LZTR1: variants seen among roughly 807,000 people sequenced by gnomAD.
LZTR1 encodes the protein leucine-zipper-like transcriptional regulator 1.
Under a neutral mutation model 105.7 loss-of-function variants are expected in LZTR1, and 260 were observed. That is an observed-to-expected ratio of 2.46 (90% CI 2.22 to 2.72). LZTR1 has a LOEUF of 2.72. Among genes scored for constraint, LZTR1 ranks in the 30% most tolerant of loss-of-function variants. The probability of loss-of-function intolerance (pLI) is 0.00; values close to 1 mark genes in which losing one functional copy is unlikely to be tolerated. For missense variants in LZTR1, 1,214 were observed against 1,166.9 expected (o/e 1.04, Z -0.59); for synonymous variants, 490 against 476.4 (o/e 1.03, Z -0.37).
rs778492920 is a variant in LZTR1, at chr22:20,992,407, CT to C, written c.1149+39del. On this transcript the variant is annotated intron_variant, in intron 10 of 20. Coordinates refer to ENST00000646124, the MANE Select transcript of LZTR1 (RefSeq NM_006767.4). ...ATCCTCATTAAGACTCCATCACCCCCTGAAACAGGTCCTGTGATCAACACCT... is the reference window on the plus strand; with the variant it reads ...ATCCTCATTAAGACTCCATCACCCCCGAAACAGGTCCTGTGATCAACACCT... The C allele has an allele frequency of 2.8e-5, 44 of 1,586,520 alleles. 2 individuals are homozygous for C. The South Asian group carries it at 3.9e-4, about 14-fold the overall frequency.
At position 20,996,810 on chromosome 22, in the gene LZTR1, C is replaced by CA; in HGVS notation, c.2325+9_2325+10insA. 1 of 1,613,206 alleles carries CA rather than the reference C, an allele frequency of 6.2e-7. No individual in the cohort carries two copies. The highest frequency in any genetic ancestry group is 8.5e-7 in the Non-Finnish European group (1 of 1,179,586). ...TGCAGAACGTGCTGCAGGTAGCCCC[C>CA]CAGCCCCGTGCACATGGCTGCAGCT... On this transcript the variant is annotated intron_variant, in intron 19 of 20. Transcript: ENST00000646124.
At chr22:20,989,088 A>G (rs1358006739) in intron 6 of LZTR1, among the ~76,000 whole-genome samples, 1 of 151,908 alleles carries the variant, frequency 6.6e-6, no homozygotes, top group Non-Finnish European at 1.5e-5. Context: ...TGGCTACCAG[A>G]GTAGCTTGGA....
Position 20,993,941 on chromosome 22 carries a change from G to A in LZTR1, c.1371G>A (p.Gln457=). The change falls in exon 13 of 21, where the codon CAG becomes CAA. Residue 457 remains glutamine (Q), a synonymous_variant. Transcript: ENST00000646124. ...TTGTGCAGAAGGAGGAGTGCGTGCA[G>A]GGCCACGTAGCCATTGTCACAGCGC... The part of the protein sequence containing the change: ...FVLGEKEECV[Q]GHVAIVTARS... The A allele has an allele frequency of 6.2e-7, 1 of 1,612,442 alleles. No homozygotes were observed. The highest frequency in any genetic ancestry group is 8.5e-7 in the Non-Finnish European group (1 of 1,179,888).
chr22:20,992,665 C>T, intron 10 of LZTR1, 129 bp from the exon 11 acceptor site: 1 of 668,296 alleles, frequency 1.5e-6, no homozygotes, highest in South Asian at 1.8e-5. Context: ...GGGCCCTCAT[C>T]CCTTGGGGAC....
chr22:20,994,651 T>C lies in LZTR1; in HGVS notation c.1709T>C (p.Ile570Thr), dbSNP rs954974816. 6.2e-7 allele frequency: 1 copy of C among 1,612,944 alleles called. No individual in the cohort carries two copies. Among genetic ancestry groups the C allele is most frequent in the African/African-American group, 1.3e-5 (1 of 75,024 alleles). ...CRLEQLCRQY[I>T]EASVDLQNVL... ...CTGGAGCAGCTGTGCCGCCAGTACATCGAGGCCTCCGTGGACCTGCAGAAC... is the reference window on the plus strand; with the variant it reads ...CTGGAGCAGCTGTGCCGCCAGTACACCGAGGCCTCCGTGGACCTGCAGAAC... Residue 570 changes from isoleucine (I) to threonine (T), a missense_variant, in exon 15 of 21, where the codon ATC (isoleucine) becomes ACC (threonine). Physicochemically the swap from Ile to Thr is moderately conservative, Grantham distance 89. Coordinates refer to ENST00000646124, the MANE Select transcript of LZTR1 (RefSeq NM_006767.4).
rs756485244 is a variant in LZTR1, at chr22:20,982,397, G to A, written c.26G>A (p.Gly9Glu). 28 of 1,560,702 alleles carry A rather than the reference G, an allele frequency of 1.8e-5. No homozygotes were observed. Among genetic ancestry groups the A allele is most frequent in the Middle Eastern group, 1.7e-4 (1 of 6,008 alleles). Reference protein sequence around the residue: MAGPGSTGGQIGAAALAGG... With the variant: MAGPGSTGEQIGAAALAGG... ...ATGGCTGGACCGGGCAGCACGGGGGGGCAGATCGGGGCTGCGGCCCTGGCA... is the reference window on the plus strand; with the variant it reads ...ATGGCTGGACCGGGCAGCACGGGGGAGCAGATCGGGGCTGCGGCCCTGGCA... Residue 9 changes from glycine (G) to glutamate (E), a missense_variant, in exon 1 of 21, where the codon GGG becomes GAG. Coordinates refer to ENST00000646124, the MANE Select transcript of LZTR1 (RefSeq NM_006767.4).
chr22:20,984,910 T>A (rs934903476), intron 2 of LZTR1, among the ~76,000 whole-genome samples: 4 of 152,170 alleles, frequency 2.6e-5, no homozygotes, highest in African/African-American at 9.7e-5. Context: ...TTCTATTTGA[T>A]TGTATGGCTT....
intron 7 of LZTR1, 84 bp from the exon 8 acceptor site, chr22:20,990,302 C>T: frequency 6.8e-7 from 1 of 1,465,708 alleles, no homozygotes; most frequent in Non-Finnish European, 9.5e-7. Flanking sequence ...AGAATAAAAG[C>T]AGTCCCATCT....
rs919475099 is a variant in LZTR1 at position 20,992,880 on chromosome 22, C to T, written c.1236C>T (p.Arg412=). 13 of 1,607,644 alleles carry T rather than the reference C, an allele frequency of 8.1e-6. No homozygotes were observed. The highest frequency in any genetic ancestry group is 2.2e-5 in the East Asian group (1 of 44,700). Residue 412 remains arginine, a synonymous_variant, in exon 11 of 21, where the codon CGC becomes CGT. Coordinates refer to ENST00000646124, the MANE Select transcript of LZTR1 (RefSeq NM_006767.4). ...GGGGCACGGTGGACAACAACATCCG[C>T]AGCGGGGAGATGTACAGGTTCCAGG... is the stretch of plus-strand genomic sequence containing the variant. ...IFGGTVDNNI[R]SGEMYRFQFS... is the part of the protein sequence containing the mutation.
rs774779041 is a variant in LZTR1 at position 20,988,008 on chromosome 22, AG to A, written c.404del. The A allele has an allele frequency of 5.8e-6, 9 of 1,560,588 alleles. No individual in the cohort carries two copies. Among genetic ancestry groups the A allele is most frequent in the African/African-American group, 2.7e-5 (2 of 73,844 alleles). On this transcript the variant is annotated splice_acceptor_variant, in intron 4 of 20. Coordinates refer to ENST00000646124, the MANE Select transcript of LZTR1 (RefSeq NM_006767.4). LOFTEE classifies it high-confidence loss of function. ...TGACAGTTTCTCACTCTCTTTACTC[AG>A]GGGGTTACACTGGGGACATTTATTC...
intron 3 of LZTR1, among the ~76,000 whole-genome samples, 171 bp from the exon 4 acceptor site, chr22:20,987,333 G>A (rs571544924): frequency 1.3e-5 from 2 of 151,066 alleles, no homozygotes; most frequent in African/African-American, 2.4e-5. Context: ...GGTGGAGGTT[G>A]AGCCGGGATC....
At position 20,996,683 on chromosome 22, in the gene LZTR1, A is replaced by C. The variant is rs1924862914; in HGVS notation, c.2220-13A>C. The C allele has an allele frequency of 6.2e-7, 1 of 1,612,134 alleles. No homozygotes were observed. The highest frequency in any genetic ancestry group is 8.5e-7 in the Non-Finnish European group (1 of 1,178,782). The stretch of plus-strand genomic sequence containing the variant: ...ACCAGCTTCCTTTAGTCAGCTCCTT[A>C]ACCAGGCCCCAGCTACTTGTTTGCG... On this transcript the variant is annotated splice_polypyrimidine_tract_variant and intron_variant, in intron 18 of 20. Coordinates refer to ENST00000646124, the MANE Select transcript of LZTR1 (RefSeq NM_006767.4).
Position 20,988,820 on chromosome 22 carries a change from A to G in LZTR1, c.541A>G (p.Thr181Ala), listed in dbSNP as rs1569154947. Residue 181 changes from threonine (T) to alanine (A), a missense_variant, in exon 6 of 21, where the codon ACG becomes GCG. Thr to Ala is a moderately conservative substitution (Grantham distance 58). Coordinates refer to ENST00000646124, the MANE Select transcript of LZTR1 (RefSeq NM_006767.4). The stretch of plus-strand genomic sequence containing the variant: ...AGTCGCTAGGTCAGCCCATGGGGCC[A>G]CGGTGTACAGTGACAAGCTGTGGAT... ...LPVARSAHGA[T>A]VYSDKLWIFA... is the part of the protein sequence containing the mutation. 6.2e-7 allele frequency: 1 copy of G among 1,614,078 alleles called. No homozygotes were observed.
At position 20,991,659 on chromosome 22, in the gene LZTR1, C is replaced by T. The variant is rs758651123; in HGVS notation, c.823C>T (p.Arg275Trp). 29 of 1,601,826 alleles carry T rather than the reference C, an allele frequency of 1.8e-5. No homozygotes were observed. In the Middle Eastern group the frequency reaches 8.0e-4, roughly 44 times the overall value. ...WTRIPTEHLL[R>W]GSPPPPQRRY... ...ACGCATCCCAACTGAACACCTGCTC[C>T]GGGGCTCCCCACCACCCCCGCAGCG... Residue 275 changes from arginine to tryptophan, a missense_variant, in exon 9 of 21, where the codon CGG becomes TGG. Physicochemically the swap from Arg to Trp is moderately radical, Grantham distance 101 (BLOSUM62 -3). Coordinates refer to ENST00000646124, the MANE Select transcript of LZTR1 (RefSeq NM_006767.4).
At chr22:20,997,071 TG>T (rs768133876) in intron 20 of LZTR1, 105 bp downstream of exon 20, 2 of 1,277,048 alleles carry the variant, frequency 1.6e-6, no homozygotes, top group African/African-American at 2.9e-5. Context: ...TGGTGGGCCC[TG>T]GGGGTGAGAG....
rs1924921769 is a variant in LZTR1 at position 20,997,676 on chromosome 22, T to C, written c.*328T>C. 1 of 240,068 alleles carries C rather than the reference T, an allele frequency of 4.2e-6. No homozygotes were observed. The highest frequency in any genetic ancestry group is 4.9e-5 in the Admixed American group (1 of 20,224). The allele number at this position is 240,068 out of a possible 1,614,324, so 14.9% of individuals were successfully genotyped here. Reference sequence around the variant, plus strand: ...GAGAGACTTTGGGCCTCCCACCCAGTGGGGCTTGGCCTGGCTTCTGTGGCC... The same window carrying C: ...GAGAGACTTTGGGCCTCCCACCCAGCGGGGCTTGGCCTGGCTTCTGTGGCC... On this transcript the variant is annotated 3_prime_UTR_variant, in exon 21 of 21. Transcript: ENST00000646124.
intron 8 of LZTR1, 44 bp downstream of exon 8, chr22:20,990,569 C>T: frequency 6.4e-7 from 1 of 1,561,208 alleles, no homozygotes. Flanking sequence ...CGGTCAGTTC[C>T]CTCGAATCCT....
chr22:20,985,633 G>A (rs555265918), intron 2 of LZTR1, among the ~76,000 whole-genome samples: 2 of 152,318 alleles, frequency 1.3e-5, no homozygotes, highest in South Asian at 2.1e-4. Context: ...GTGTCTGCCT[G>A]TGTGGCAGCC....
chr22:20,990,341 G>A (rs368118330), intron 7 of LZTR1, 45 bp from the exon 8 acceptor site: 1 of 1,611,720 alleles, frequency 6.2e-7, no homozygotes, highest in Non-Finnish European at 8.5e-7. Context: ...TGAAATGTGA[G>A]CGGGCCCTGT....
Sources: gnomAD v4.1 joint callset for allele counts (sites outside exome capture counted in the v4.1 genomes callset) on GRCh38, gnomAD v4.1.1 for gene constraint, MANE v1.5 for transcripts, NCBI Gene and HGNC (gene_info 2026-07-23, HGNC 2026-07-21) for gene names.